RBFOX1: variants seen among roughly 807,000 people sequenced by gnomAD.
RBFOX1 encodes the protein RNA binding fox-1 homolog 1.
In RBFOX1, 8 loss-of-function variants were observed where a neutral mutation model predicts 57.7. The observed-to-expected ratio is 0.14, with a 90% CI of 0.08 to 0.25. The LOEUF is 0.25. Ranked by LOEUF, RBFOX1 falls within the 10% of genes least tolerant of loss-of-function variation. RBFOX1 has a pLI of 1.00. For missense variants in RBFOX1, 611 were observed against 548.5 expected, an observed-to-expected ratio of 1.11 and a Z score of -1.14; for synonymous variants, 326 against 222.4, an observed-to-expected ratio of 1.47 and a Z score of -4.15.
At chr16:6,578,702 A>G (rs1166957646) in intron 2 of RBFOX1, among the ~76,000 whole-genome samples, 1 of 152,000 alleles carries the variant, frequency 6.6e-6, no homozygotes, top group East Asian at 1.9e-4. Context: ...AGAGTGAAGA[A>G]GAAACAGAAT....
chr16:6,045,587 G>A (rs899707765), intron 1 of RBFOX1, among the ~76,000 whole-genome samples: 12 of 152,156 alleles, frequency 7.9e-5, no homozygotes, highest in East Asian at 1.9e-4. Context: ...GCATCTTTTC[G>A]GTGCTGAGAA....
intron 1 of RBFOX1, among the ~76,000 whole-genome samples, chr16:6,047,679 A>T (rs188529636): frequency 1.3e-5 from 2 of 152,334 alleles, no homozygotes; most frequent in Non-Finnish European, 2.9e-5. Context: ...TCACCCTGAT[A>T]CGGAGCAGGG....
chr16:6,934,748 G>C (rs1159757476), intron 3 of RBFOX1, among the ~76,000 whole-genome samples: 1 of 152,018 alleles, frequency 6.6e-6, no homozygotes, highest in African/African-American at 2.4e-5. Flanking sequence ...GCTTAGTTTG[G>C]AGGATCTCAG....
At chr16:7,233,026 A>G (rs1449550072) in intron 4 of RBFOX1, among the ~76,000 whole-genome samples, 6 of 152,064 alleles carry the variant, frequency 3.9e-5, no homozygotes, top group African/African-American at 1.2e-4. Flanking sequence ...AAAATAGGCT[A>G]CATTTCCCTT....
At position 6,563,481 on chromosome 16, in the gene RBFOX1, C is replaced by T. The variant is rs535441503; in HGVS notation, c.-63-91122C>T. Among the ~76,000 whole-genome samples, 22 of 152,148 alleles carry T rather than the reference C, an allele frequency of 1.4e-4. No homozygotes were observed. In the South Asian group the frequency reaches 4.6e-3, roughly 32 times the overall value. On this transcript the variant is annotated intron_variant, in intron 2 of 15. Transcript: ENST00000550418. ...CAAAAAATTTGGTGCATCCCTAGAG[C>T]CCAGAGTCCCTTACATCTACTCTAC...
chr16:5,750,118 T>C (rs971306490), intron 3 of RBFOX1, among the ~76,000 whole-genome samples: 1 of 152,196 alleles, frequency 6.6e-6, no homozygotes, highest in African/African-American at 2.4e-5. Flanking sequence ...TGTTGGAGTT[T>C]GCTGGAGGTC....
chr16:6,380,460 A>C (rs2091693543), intron 2 of RBFOX1, among the ~76,000 whole-genome samples: 1 of 127,516 alleles, frequency 7.8e-6, no homozygotes, highest in Non-Finnish European at 1.6e-5. Context: ...AGAACTCAGC[A>C]GCTTGGGTCT....
At chr16:6,905,790 G>T (rs531707105) in intron 3 of RBFOX1, among the ~76,000 whole-genome samples, 1 of 152,144 alleles carries the variant, frequency 6.6e-6, no homozygotes, top group East Asian at 1.9e-4. Flanking sequence ...AGACTGAGCC[G>T]GTCCTGCCTA....
chr16:7,113,061 G>C (rs1385922470), intron 4 of RBFOX1, among the ~76,000 whole-genome samples: 1 of 152,172 alleles, frequency 6.6e-6, no homozygotes, highest in Non-Finnish European at 1.5e-5. Context: ...AACCTGGACA[G>C]AATGGAAAAT....
intron 4 of RBFOX1, among the ~76,000 whole-genome samples, chr16:7,399,316 G>A (rs992371185): frequency 3.3e-5 from 5 of 152,108 alleles, no homozygotes; most frequent in African/African-American, 4.8e-5. Flanking sequence ...GTGCGATGGC[G>A]CATGCCTGTA....
At chr16:7,035,432 C>G (rs984440132) in intron 3 of RBFOX1, among the ~76,000 whole-genome samples, 4 of 152,132 alleles carry the variant, frequency 2.6e-5, no homozygotes, top group Non-Finnish European at 5.9e-5. Flanking sequence ...GCACTGCACA[C>G]AAAAAGAATA....
rs1000708670 is a variant in RBFOX1, at chr16:7,470,570, T to G, written c.28-47577T>G. On this transcript the variant is annotated intron_variant, in intron 4 of 15. Coordinates refer to ENST00000550418, the MANE Select transcript of RBFOX1 (RefSeq NM_018723.4). Reference sequence around the variant, plus strand: ...ATGGGTGAGTGGTAGGCAGATGAGGTGATGGATGGATGGATGGATGGGCGG... The same window carrying G: ...ATGGGTGAGTGGTAGGCAGATGAGGGGATGGATGGATGGATGGATGGGCGG... Among the ~76,000 whole-genome samples the G allele has an allele frequency of 3.1e-4, 46 of 149,930 alleles. No homozygotes were observed. In the Middle Eastern group the frequency reaches 0.014, roughly 44 times the overall value.
chr16:6,485,585 T>G (rs1040651309), intron 2 of RBFOX1, among the ~76,000 whole-genome samples: 3 of 152,212 alleles, frequency 2.0e-5, no homozygotes, highest in Non-Finnish European at 4.4e-5. Context: ...CAAGAATTAT[T>G]TAGTATCAGG....
intron 2 of RBFOX1, among the ~76,000 whole-genome samples, chr16:5,503,902 A>G (rs1408241381): frequency 2.0e-5 from 3 of 152,052 alleles, no homozygotes; most frequent in East Asian, 1.9e-4. Flanking sequence ...TCTACTTTCT[A>G]TCTCTACAGA....
At chr16:6,665,015 G>T (rs547716198) in intron 3 of RBFOX1, among the ~76,000 whole-genome samples, 2 of 152,306 alleles carry the variant, frequency 1.3e-5, no homozygotes, top group Admixed American at 6.5e-5. Flanking sequence ...AATTGTCATA[G>T]AAAATGAAGT....
chr16:6,816,827 C>T (rs1397243432), intron 3 of RBFOX1, among the ~76,000 whole-genome samples: 1 of 152,010 alleles, frequency 6.6e-6, no homozygotes, highest in East Asian at 1.9e-4. Flanking sequence ...TCACTGCAGT[C>T]TCAAACTCCT....
intron 4 of RBFOX1, among the ~76,000 whole-genome samples, chr16:7,326,028 C>G (rs1450120827): frequency 6.6e-6 from 1 of 152,042 alleles, no homozygotes; most frequent in Non-Finnish European, 1.5e-5. Flanking sequence ...TGTAGGGAAA[C>G]CTGACTCTTG....
At chr16:6,904,063 G>C (rs1328411351) in intron 3 of RBFOX1, among the ~76,000 whole-genome samples, 2 of 152,228 alleles carry the variant, frequency 1.3e-5, no homozygotes, top group South Asian at 2.1e-4. Context: ...TACCCCCATG[G>C]GGGCTGTGCG....
At chr16:7,616,265 C>G (rs1046872530) in intron 10 of RBFOX1, among the ~76,000 whole-genome samples, 1 of 152,196 alleles carries the variant, frequency 6.6e-6, no homozygotes. Context: ...AGAAACCTAG[C>G]AAAAGCTTCC....
Sources: gnomAD v4.1 joint callset for allele counts (sites outside exome capture counted in the v4.1 genomes callset) on GRCh38, gnomAD v4.1.1 for gene constraint, MANE v1.5 for transcripts, NCBI Gene and HGNC (gene_info 2026-07-23, HGNC 2026-07-21) for gene names.